GRIK3: variants seen among roughly 807,000 people sequenced by gnomAD.
GRIK3 encodes glutamate ionotropic receptor kainate type subunit 3.
GRIK3 carries 29 observed loss-of-function variants against 102.5 expected under a neutral mutation model. The observed-to-expected ratio is 0.28, with a 90% CI of 0.21 to 0.39. GRIK3 has a LOEUF of 0.39. GRIK3 is among the 10% of genes least tolerant of loss of function. GRIK3 has a pLI of 1.00. For synonymous variants in GRIK3, 511 were observed against 504.9 expected (o/e 1.01, Z -0.16); for missense variants, 908 against 1,252.4 (o/e 0.73, Z 4.15).
chr1:36,955,309 G>T (rs567436920), intron 1 of GRIK3, among the ~76,000 whole-genome samples: 26 of 152,304 alleles, frequency 1.7e-4, no homozygotes, highest in African/African-American at 6.0e-4. Context: ...GGGTACAGGG[G>T]CTGGGCCTGA....
intron 1 of GRIK3, among the ~76,000 whole-genome samples, chr1:37,022,937 G>T (rs1642730359): frequency 1.3e-5 from 2 of 152,216 alleles, no homozygotes; most frequent in African/African-American, 4.8e-5. Flanking sequence ...AGTAGAGGGT[G>T]CTGTGGGACT....
At chr1:36,884,267 T>A (rs956923254) in intron 2 of GRIK3, among the ~76,000 whole-genome samples, 2 of 152,194 alleles carry the variant, frequency 1.3e-5, no homozygotes, top group Admixed American at 6.5e-5. Flanking sequence ...TGAGCAGGTG[T>A]GTGAGACAAA....
At chr1:37,008,707 A>G (rs1410743187) in intron 1 of GRIK3, among the ~76,000 whole-genome samples, 1 of 152,142 alleles carries the variant, frequency 6.6e-6, no homozygotes, top group African/African-American at 2.4e-5. Context: ...CTGCTCCCAG[A>G]CAGGGATGGC....
chr1:37,002,797 T>C (rs1327293828), intron 1 of GRIK3, among the ~76,000 whole-genome samples: 3 of 151,464 alleles, frequency 2.0e-5, no homozygotes, highest in Admixed American at 1.3e-4. Context: ...TGTGCCACCA[T>C]GCCCAGCTAA....
intron 1 of GRIK3, among the ~76,000 whole-genome samples, chr1:36,941,299 G>A (rs2124324146): frequency 6.6e-6 from 1 of 152,352 alleles, no homozygotes; most frequent in South Asian, 2.1e-4. Flanking sequence ...GGCAGCAGCA[G>A]GCAGCCTCTT....
intron 1 of GRIK3, among the ~76,000 whole-genome samples, chr1:37,027,618 G>A (rs536266228): frequency 6.6e-6 from 1 of 152,338 alleles, no homozygotes; most frequent in South Asian, 2.1e-4. Flanking sequence ...TGGACAGCAT[G>A]TAAGCTCTTT....
rs370113750 is a variant in GRIK3, at chr1:36,918,533, C to G, written c.116-27437G>C. On this transcript the variant is annotated intron_variant, in intron 1 of 15. Transcript: ENST00000373091. ...CTTTATGAACATCATCTGGTTTAAT[C>G]TCTGACACACCCCTAAATATTAATA... Among the ~76,000 whole-genome samples the G allele has an allele frequency of 9.8e-5, 14 of 142,366 alleles. No homozygotes were observed. In the East Asian group the frequency reaches 2.6e-3, roughly 27 times the overall value. The allele number at this position is 142,366 out of a possible 152,430, so 93.4% of individuals were successfully genotyped here.
Position 37,015,823 on chromosome 1 carries a change from G to C in GRIK3, c.115+18171C>G, listed in dbSNP as rs79421918. Among the ~76,000 whole-genome samples, 713 of 152,362 alleles carry C rather than the reference G, an allele frequency of 4.7e-3. 7 individuals are homozygous for C. The highest frequency in any genetic ancestry group is 0.016 in the African/African-American group (686 of 41,586). On this transcript the variant is annotated intron_variant, in intron 1 of 15. Coordinates refer to ENST00000373091, the MANE Select transcript of GRIK3 (RefSeq NM_000831.4). ...GTTTGTTATCCAGGCCCAATTAGTTGCTGGGTCTGTGTTGGAGAGATGGGC... is the reference window on the plus strand; with the variant it reads ...GTTTGTTATCCAGGCCCAATTAGTTCCTGGGTCTGTGTTGGAGAGATGGGC...
intron 5 of GRIK3, among the ~76,000 whole-genome samples, chr1:36,864,603 C>T (rs528101397): frequency 6.6e-6 from 1 of 152,178 alleles, no homozygotes; most frequent in African/African-American, 2.4e-5. Context: ...ACCAGCCCTT[C>T]TGGTCTCCAG....
chr1:36,928,486 C>A (rs1275291526), intron 1 of GRIK3, among the ~76,000 whole-genome samples: 1 of 152,184 alleles, frequency 6.6e-6, no homozygotes. Context: ...ATTATGATGT[C>A]CTTAGCTTTG....
chr1:36,858,741 T>C (rs553298282), intron 7 of GRIK3, among the ~76,000 whole-genome samples: 123 of 152,312 alleles, frequency 8.1e-4, no homozygotes, highest in African/African-American at 2.3e-3. Flanking sequence ...TTATGCTTCA[T>C]ATACCCATTT....
chr1:36,875,950 A>T (rs759366595), intron 3 of GRIK3, among the ~76,000 whole-genome samples: 4 of 152,238 alleles, frequency 2.6e-5, no homozygotes, highest in Non-Finnish European at 5.9e-5. Context: ...GGAGCCAATC[A>T]GTGGCAATCC....
chr1:36,842,075 T>C (rs1034340476), intron 9 of GRIK3, 136 bp from the exon 10 acceptor site: 14 of 720,704 alleles, frequency 1.9e-5, no homozygotes, highest in Admixed American at 4.2e-5. Flanking sequence ...AAAGGGCCCG[T>C]GAAGTCAGGA....
chr1:36,940,359 G>T lies in GRIK3; in HGVS notation c.116-49263C>A, dbSNP rs501713. On this transcript the variant is annotated intron_variant, in intron 1 of 15. Transcript: ENST00000373091. ...CTGGAAGGATACTCTATCTGCCTTT[G>T]TCTCTATTGCATCTGATACATGATC... Among the ~76,000 whole-genome samples, 1,379 of 152,334 alleles carry T rather than the reference G, an allele frequency of 9.1e-3. 21 individuals carry two copies. The highest frequency in any genetic ancestry group is 0.03 in the African/African-American group (1,255 of 41,578).
intron 15 of GRIK3, among the ~76,000 whole-genome samples, chr1:36,802,901 C>T (rs1405655457): frequency 6.6e-6 from 1 of 152,114 alleles, no homozygotes; most frequent in Admixed American, 6.5e-5. Flanking sequence ...TGCAGAATGT[C>T]ATCCCTCCTT....
rs896370647 is a variant in GRIK3 at position 37,034,295 on chromosome 1, G to A, written c.-187C>T. Among the ~76,000 whole-genome samples, 6 of 149,074 alleles carry A rather than the reference G, an allele frequency of 4.0e-5. No individual in the cohort carries two copies. Among genetic ancestry groups the A allele is most frequent in the Non-Finnish European group, 9.0e-5 (6 of 66,890 alleles). ...ATCTTACTGGGGGGCCGCCCCGCCGGCGCCCGCCCCGCCTGGCTGCCGCCC... is the reference window on the plus strand; with the variant it reads ...ATCTTACTGGGGGGCCGCCCCGCCGACGCCCGCCCCGCCTGGCTGCCGCCC... On this transcript the variant is annotated 5_prime_UTR_variant, in exon 1 of 16. Coordinates refer to ENST00000373091, the MANE Select transcript of GRIK3 (RefSeq NM_000831.4).
chr1:36,836,640 T>G (rs970103232), intron 10 of GRIK3, among the ~76,000 whole-genome samples: 4 of 152,232 alleles, frequency 2.6e-5, no homozygotes, highest in Admixed American at 2.6e-4. Context: ...GTCTCCATTG[T>G]GTTCCATACT....
At position 36,850,659 on chromosome 1, in the gene GRIK3, C is replaced by T. The variant is rs920625211; in HGVS notation, c.1213-235G>A. Among the ~76,000 whole-genome samples the T allele has an allele frequency of 4.6e-5, 7 of 152,366 alleles. No individual in the cohort carries two copies. Among genetic ancestry groups the T allele is most frequent in the East Asian group, 1.9e-4 (1 of 5,184 alleles). ...GTGTCGAATCTCTGAATTCTGCCAC[C>T]TCCCTTGCTGGCAAGCCCATCACAG... On this transcript the variant is annotated intron_variant, in intron 8 of 15. Transcript: ENST00000373091. This position sits in a 1 kb window ranked among gnomAD's most constrained non-coding sequence, Gnocchi z 4.0.
At chr1:36,929,617 T>A (rs1276498306) in intron 1 of GRIK3, among the ~76,000 whole-genome samples, 1 of 152,172 alleles carries the variant, frequency 6.6e-6, no homozygotes, top group Non-Finnish European at 1.5e-5. Context: ...CTAGTTTTTT[T>A]CCTCAGTGAA....
Sources: allele counts gnomAD v4.1 joint callset (sites outside exome capture counted in the v4.1 genomes callset), GRCh38; gene constraint gnomAD v4.1.1; non-coding constraint Gnocchi (gnomAD v3.1); transcripts MANE v1.5; gene names NCBI Gene and HGNC (gene_info 2026-07-23, HGNC 2026-07-21).